Variants in FHIT observed in about 807,000 individuals in gnomAD.
FHIT encodes fragile histidine triad diadenosine triphosphatase.
Under a neutral mutation model 17.9 loss-of-function variants are expected in FHIT, and 19 were observed. That is an observed-to-expected ratio of 1.06 (90% CI 0.74 to 1.56). FHIT has a LOEUF of 1.56. Ranked by LOEUF, FHIT falls within the 40% of genes most tolerant of loss-of-function variation. The pLI is 0.00. For missense variants in FHIT, 248 were observed against 189.2 expected (o/e 1.31, Z -1.82); for synonymous variants, 81 against 69.7 (o/e 1.16, Z -0.81).
intron 4 of FHIT, among the ~76,000 whole-genome samples, chr3:60,653,842 G>T (rs2040053204): frequency 1.3e-5 from 2 of 152,196 alleles, no homozygotes; most frequent in South Asian, 2.1e-4. Context: ...CAAGCATGCA[G>T]AAAGTTTACC....
At chr3:60,736,959 T>G (rs782356074) in intron 4 of FHIT, among the ~76,000 whole-genome samples, 8 of 152,222 alleles carry the variant, frequency 5.3e-5, no homozygotes, top group Non-Finnish European at 1.2e-4. Flanking sequence ...CTATTGTTTT[T>G]AAGGCCTCAG....
At chr3:60,692,247 A>G (rs565026093) in intron 4 of FHIT, among the ~76,000 whole-genome samples, 1 of 152,328 alleles carries the variant, frequency 6.6e-6, no homozygotes, top group African/African-American at 2.4e-5. Flanking sequence ...CCTGACAAAC[A>G]TATTTCCAAA....
At chr3:59,985,796 C>T (rs1423902315) in intron 7 of FHIT, among the ~76,000 whole-genome samples, 1 of 152,110 alleles carries the variant, frequency 6.6e-6, no homozygotes, top group Non-Finnish European at 1.5e-5. Flanking sequence ...CACACTGAGC[C>T]TAGGCTGAAC....
intron 4 of FHIT, among the ~76,000 whole-genome samples, chr3:60,641,876 G>C (rs1159414131): frequency 6.6e-6 from 1 of 152,096 alleles, no homozygotes; most frequent in East Asian, 1.9e-4. Context: ...TACAAGGTAA[G>C]GATTTGAAGC....
At chr3:60,898,298 G>A (rs948798397) in intron 3 of FHIT, among the ~76,000 whole-genome samples, 10 of 152,120 alleles carry the variant, frequency 6.6e-5, no homozygotes, top group South Asian at 2.1e-4. Context: ...AAAAAATATC[G>A]TAAACAACTC....
chr3:60,413,650 CTGTG>C (rs3060234), intron 5 of FHIT, among the ~76,000 whole-genome samples: 107 of 149,454 alleles, frequency 7.2e-4, no homozygotes, highest in African/African-American at 1.0e-3. Context: ...GCAGGGAACT[CTGTG>C]TGTGTGTGTG....
intron 3 of FHIT, among the ~76,000 whole-genome samples, chr3:60,908,714 GAA>G (rs5849399): frequency 0.016 from 1,841 of 117,372 alleles, 29 homozygotes; most frequent in African/African-American, 0.046. Context: ...AGTCTCTTAT[GAA>G]AAAAAAAAAA....
At chr3:60,234,141 T>C (rs941800564) in intron 5 of FHIT, among the ~76,000 whole-genome samples, 2 of 152,150 alleles carry the variant, frequency 1.3e-5, no homozygotes, top group African/African-American at 4.8e-5. Flanking sequence ...AAAAGTAGGA[T>C]TCCAATGATG....
intron 8 of FHIT, among the ~76,000 whole-genome samples, chr3:59,845,767 T>A (rs1021783516): frequency 1.2e-4 from 19 of 152,164 alleles, no homozygotes; most frequent in Non-Finnish European, 1.5e-5. Flanking sequence ...GTAGAGTGTT[T>A]GGCATGTATC....
intron 2 of FHIT, among the ~76,000 whole-genome samples, chr3:61,064,637 CAG>C (rs1384557505): frequency 6.6e-6 from 1 of 152,156 alleles, no homozygotes; most frequent in Non-Finnish European, 1.5e-5. Flanking sequence ...CAAGTTTACA[CAG>C]AGTGTGCAAC....
At chr3:60,348,191 T>A (rs1459837906) in intron 5 of FHIT, among the ~76,000 whole-genome samples, 2 of 150,962 alleles carry the variant, frequency 1.3e-5, no homozygotes, top group African/African-American at 2.4e-5. Context: ...TGACAAATGT[T>A]TGTTTAACAA....
At chr3:61,193,901 G>A (rs992904262) in intron 2 of FHIT, among the ~76,000 whole-genome samples, 4 of 152,158 alleles carry the variant, frequency 2.6e-5, no homozygotes, top group African/African-American at 9.7e-5. Context: ...AGTTTTATGT[G>A]ACATAGCAGC....
intron 5 of FHIT, among the ~76,000 whole-genome samples, chr3:60,442,770 C>T (rs1330653258): frequency 6.6e-6 from 1 of 152,020 alleles, no homozygotes; most frequent in Non-Finnish European, 1.5e-5. Flanking sequence ...TTTTTTGGTC[C>T]CATAAGAACT....
intron 5 of FHIT, among the ~76,000 whole-genome samples, chr3:60,374,617 C>A (rs1268940779): frequency 6.7e-6 from 1 of 149,844 alleles, no homozygotes; most frequent in African/African-American, 2.5e-5. Context: ...TACAACACGG[C>A]CTCTTAGGCA....
At chr3:60,946,280 T>C (rs888090313) in intron 3 of FHIT, among the ~76,000 whole-genome samples, 2 of 152,148 alleles carry the variant, frequency 1.3e-5, no homozygotes, top group Non-Finnish European at 2.9e-5. Flanking sequence ...CTGTGAAACA[T>C]ACTTTGAAGG....
chr3:60,478,202 G>C (rs2033441877), intron 5 of FHIT, among the ~76,000 whole-genome samples: 1 of 152,098 alleles, frequency 6.6e-6, no homozygotes, highest in East Asian at 1.9e-4. Context: ...CCCACTTACA[G>C]ATGAAGAAAT....
chr3:61,111,207 A>C (rs1313443509), intron 2 of FHIT, among the ~76,000 whole-genome samples: 1 of 152,170 alleles, frequency 6.6e-6, no homozygotes, highest in African/African-American at 2.4e-5. Context: ...GGTGCCTTTA[A>C]TCTGTAAAAT....
chr3:61,163,730 C>A (rs957078966), intron 2 of FHIT, among the ~76,000 whole-genome samples: 2 of 150,638 alleles, frequency 1.3e-5, no homozygotes, highest in Non-Finnish European at 2.9e-5. Flanking sequence ...TTAGATCACA[C>A]CCCCTATGTC....
chr3:60,715,048 C>T (rs1281348781), intron 4 of FHIT, among the ~76,000 whole-genome samples: 2 of 152,120 alleles, frequency 1.3e-5, no homozygotes, highest in African/African-American at 4.8e-5. Context: ...TACAAGGCTA[C>T]AGTAACCAAA....
Sources: gnomAD v4.1 joint callset for allele counts (sites outside exome capture counted in the v4.1 genomes callset) on GRCh38, gnomAD v4.1.1 for gene constraint, MANE v1.5 for transcripts, NCBI Gene and HGNC (gene_info 2026-07-23, HGNC 2026-07-21) for gene names.